BBS9: variants seen among roughly 807,000 people sequenced by gnomAD.
The protein encoded by BBS9 is Bardet-Biedl syndrome 9, also known as protein PTHB1.
In BBS9, 89 loss-of-function variants were observed where a neutral mutation model predicts 117.7. The observed-to-expected ratio is 0.76, with a 90% CI of 0.64 to 0.90. The LOEUF (loss-of-function observed/expected upper bound fraction) is 0.90. Ranked by LOEUF, BBS9 falls within the 40% of genes least tolerant of loss-of-function variation. BBS9 has a pLI of 0.00. For missense variants in BBS9, 982 were observed against 1,042.2 expected, an observed-to-expected ratio of 0.94 and a Z score of 0.80; for synonymous variants, 379 against 370.9, an observed-to-expected ratio of 1.02 and a Z score of -0.25.
At chr7:33,160,226 A>G (rs866682717) in intron 4 of BBS9, among the ~76,000 whole-genome samples, 2 of 152,172 alleles carry the variant, frequency 1.3e-5, no homozygotes, top group African/African-American at 4.8e-5. Context: ...ACTTCAAACC[A>G]TGGAAAAGGA....
At chr7:33,308,039 T>C (rs1304808321) in intron 9 of BBS9, among the ~76,000 whole-genome samples, 1 of 152,126 alleles carries the variant, frequency 6.6e-6, no homozygotes, top group Non-Finnish European at 1.5e-5. Flanking sequence ...TTGGTGTGTA[T>C]GTGTATAGTG....
chr7:33,220,754 CCAAA>C (rs1344891739), intron 5 of BBS9, among the ~76,000 whole-genome samples: 2 of 152,118 alleles, frequency 1.3e-5, no homozygotes, highest in Non-Finnish European at 2.9e-5. Flanking sequence ...CAGACTAGTA[CCAAA>C]CAAATACTAG....
intron 20 of BBS9, among the ~76,000 whole-genome samples, chr7:33,527,805 C>A (rs569941811): frequency 4.6e-5 from 7 of 152,260 alleles, no homozygotes; most frequent in South Asian, 4.1e-4. Flanking sequence ...AGGTGAATTG[C>A]TCAACATTTT....
chr7:33,451,982 C>A (rs1837942443), intron 19 of BBS9, among the ~76,000 whole-genome samples: 1 of 152,038 alleles, frequency 6.6e-6, no homozygotes, highest in South Asian at 2.1e-4. Flanking sequence ...TACAGGTGTG[C>A]AGCACCATGC....
intron 19 of BBS9, among the ~76,000 whole-genome samples, chr7:33,422,500 G>A (rs902377038): frequency 1.3e-5 from 2 of 152,160 alleles, no homozygotes; most frequent in Admixed American, 1.3e-4. Flanking sequence ...TTGTGTTGGT[G>A]TTTTTAAGAA....
intron 5 of BBS9, among the ~76,000 whole-genome samples, chr7:33,208,979 A>C (rs1482193665): frequency 7.2e-5 from 11 of 152,212 alleles, no homozygotes; most frequent in Non-Finnish European, 1.5e-5. Flanking sequence ...TTAGTTATTT[A>C]AAAATGTACA....
chr7:33,448,050 G>A (rs968244235), intron 19 of BBS9, among the ~76,000 whole-genome samples: 2 of 152,116 alleles, frequency 1.3e-5, no homozygotes, highest in Admixed American at 1.3e-4. Context: ...GCTTAGAGTG[G>A]ATGTGTTCCG....
chr7:33,160,391 C>T (rs1024592455), intron 4 of BBS9, among the ~76,000 whole-genome samples: 2 of 152,142 alleles, frequency 1.3e-5, no homozygotes, highest in Non-Finnish European at 2.9e-5. Context: ...CTGCATTGGG[C>T]CTTCGTCTTT....
At position 33,604,862 on chromosome 7, in the gene BBS9, T is replaced by C. The variant is rs750216247; in HGVS notation, c.2522-3T>C. 1 of 1,596,768 alleles carries C rather than the reference T, an allele frequency of 6.3e-7. No individual in the cohort carries two copies. Among genetic ancestry groups the C allele is most frequent in the Admixed American group, 1.7e-5 (1 of 59,864 alleles). ...TAAAATATTGTTTGTATTTTTCAAC[T>C]AGGTGGTTGTACTACAATCCCAGAG... On this transcript the variant is annotated splice_region_variant and splice_polypyrimidine_tract_variant and intron_variant, in intron 21 of 22. Transcript: ENST00000242067.
At chr7:33,445,725 T>C (rs1836891808) in intron 19 of BBS9, among the ~76,000 whole-genome samples, 1 of 152,140 alleles carries the variant, frequency 6.6e-6, no homozygotes, top group African/African-American at 2.4e-5. Context: ...AGGGACCTGG[T>C]GGGAGGTGAT....
intron 19 of BBS9, among the ~76,000 whole-genome samples, chr7:33,409,353 C>A (rs534144328): frequency 6.6e-6 from 1 of 152,142 alleles, no homozygotes; most frequent in Non-Finnish European, 1.5e-5. Flanking sequence ...AGGTAGGGAT[C>A]CAGTTTCATT....
chr7:33,388,266 C>T, intron 19 of BBS9, 122 bp downstream of exon 19: 2 of 1,224,850 alleles, frequency 1.6e-6, no homozygotes, highest in Non-Finnish European at 2.4e-6. Flanking sequence ...GAACAGTGAA[C>T]AGTGCACAAG....
chr7:33,283,461 A>G (rs1010424054), intron 9 of BBS9, among the ~76,000 whole-genome samples: 1 of 151,702 alleles, frequency 6.6e-6, no homozygotes, highest in East Asian at 1.9e-4. Context: ...TCGCTTATCC[A>G]TGTTCTTGAG....
chr7:33,390,406 A>G, intron 19 of BBS9: 4 of 985,350 alleles, frequency 4.1e-6, no homozygotes, highest in African/African-American at 1.7e-5. Context: ...GTAATATTAC[A>G]GACAAGACGA....
intron 5 of BBS9, among the ~76,000 whole-genome samples, chr7:33,244,982 C>T (rs1180813788): frequency 6.6e-6 from 1 of 152,072 alleles, no homozygotes; most frequent in Non-Finnish European, 1.5e-5. Flanking sequence ...GGTACTTTGC[C>T]TGCTGATAAT....
At chr7:33,368,829 T>G (rs1183507277) in intron 17 of BBS9, among the ~76,000 whole-genome samples, 5 of 152,162 alleles carry the variant, frequency 3.3e-5, no homozygotes, top group African/African-American at 1.2e-4. Flanking sequence ...TGTAACAATG[T>G]TTTTATGGCT....
intron 5 of BBS9, among the ~76,000 whole-genome samples, chr7:33,242,244 C>A (rs1794648949): frequency 6.6e-6 from 1 of 151,780 alleles, no homozygotes; most frequent in South Asian, 2.1e-4. Context: ...GAGATGTGTA[C>A]TTTATTTTGC....
chr7:33,236,019 G>C (rs1793409162), intron 5 of BBS9, among the ~76,000 whole-genome samples: 1 of 151,992 alleles, frequency 6.6e-6, no homozygotes, highest in African/African-American at 2.4e-5. Flanking sequence ...CACCACTACT[G>C]TATTGTTTAT....
At chr7:33,239,490 A>C (rs1420432794) in intron 5 of BBS9, among the ~76,000 whole-genome samples, 1 of 151,900 alleles carries the variant, frequency 6.6e-6, no homozygotes, top group Non-Finnish European at 1.5e-5. Context: ...GCTCACTGCA[A>C]CCTCTGATTC....
Sources: allele counts gnomAD v4.1 joint callset (sites outside exome capture counted in the v4.1 genomes callset), GRCh38; gene constraint gnomAD v4.1.1; transcripts MANE v1.5; gene names NCBI Gene and HGNC (gene_info 2026-07-23, HGNC 2026-07-21).